The following UMODL1 variants were observed in gnomAD, a reference collection of about 807,000 sequenced individuals.
UMODL1 encodes the protein uromodulin like 1, also known as uromodulin-like 1.
In UMODL1, 128 loss-of-function variants were observed where a neutral mutation model predicts 136.3. The observed-to-expected ratio is 0.94, with a 90% CI of 0.81 to 1.09. The LOEUF is 1.09. Ranked by LOEUF, UMODL1 falls within the 50% of genes least tolerant of loss-of-function variation. The pLI, the probability that UMODL1 is intolerant of heterozygous loss-of-function variation, is 0.00. For missense variants in UMODL1, 1,766 were observed against 1,725.6 expected, an observed-to-expected ratio of 1.02 and a Z score of -0.41; for synonymous variants, 721 against 720.0, an observed-to-expected ratio of 1.00 and a Z score of -0.02.
chr21:42,120,711 TGGCCTGAGGGCCTTC>T lies in UMODL1; in HGVS notation c.2690-375_2690-361del, dbSNP rs2066958800. The T allele has an allele frequency of 2.2e-5, 4 of 179,300 alleles. No individual in the cohort carries two copies. The South Asian group carries it at 7.8e-4, about 35-fold the overall frequency. 11.1% of individuals were successfully genotyped at this position (179,300 alleles called of 1,614,324 possible). A position where few individuals can be genotyped will look rare whatever the true frequency, so the allele number is the denominator to read the frequency against. On this transcript the variant is annotated intron_variant, in intron 15 of 22. Transcript: ENST00000408910. The stretch of plus-strand genomic sequence containing the variant: ...ACCCAGCATCATGGCGAAAGGCAAA[TGGCCTGAGGGCCTTC>T]TGCCCAGGGTTGGGCTTGCAGCCTG...
chr21:42,134,966 G>A (rs10222089), intron 21 of UMODL1, among the ~76,000 whole-genome samples: 77,990 of 151,942 alleles, frequency 0.51, 20,302 homozygotes, highest in Non-Finnish European at 0.55. Flanking sequence ...TGTGCAGAAC[G>A]TGCAGGTTGT....
At chr21:42,079,665 G>C (rs541882898) in intron 2 of UMODL1, among the ~76,000 whole-genome samples, 1 of 152,216 alleles carries the variant, frequency 6.6e-6, no homozygotes, top group Non-Finnish European at 1.5e-5. Flanking sequence ...AGAGGCCAGG[G>C]CAGGAGACCC....
chr21:42,119,161 G>C lies in UMODL1; in HGVS notation c.2526G>C (p.Gly842=). 1 of 1,614,016 alleles carries C rather than the reference G, an allele frequency of 6.2e-7. No homozygotes were observed. Among genetic ancestry groups the C allele is most frequent in the African/African-American group, 1.3e-5 (1 of 75,056 alleles). The part of the protein sequence containing the change: ...ATMCQHMDAG[G]VRMEVVSVTN... Reference sequence around the variant, plus strand: ...TGTGTCAGCACATGGACGCTGGTGGGGTCAGGATGGAAGTCGTCAGCGTCA... The same window carrying C: ...TGTGTCAGCACATGGACGCTGGTGGCGTCAGGATGGAAGTCGTCAGCGTCA... Residue 842 remains glycine, a synonymous_variant, in exon 15 of 23, where the codon GGG becomes GGC. Transcript: ENST00000408910.
intron 9 of UMODL1, among the ~76,000 whole-genome samples, chr21:42,104,640 G>A (rs1336060838): frequency 5.9e-5 from 9 of 152,096 alleles, no homozygotes; most frequent in Admixed American, 2.0e-4. Context: ...AGTAGAGACA[G>A]GGTTTCACCG....
rs373686814 is a variant in UMODL1 at position 42,088,313 on chromosome 21, C to A, written c.623C>A (p.Pro208Gln). ...TCACAGGTCACCAGCGCCCTGCAACCAATGGCCTCCACCGTCCACCACCTG... is the reference window on the plus strand; with the variant it reads ...TCACAGGTCACCAGCGCCCTGCAACAAATGGCCTCCACCGTCCACCACCTG... Reference protein sequence around the residue: ...LHSLVTSALQPMASTVHHLHS... With the variant: ...LHSLVTSALQQMASTVHHLHS... Residue 208 changes from proline (P) to glutamine (Q), a missense_variant, in exon 5 of 23, where the codon CCA becomes CAA. Pro to Gln is a moderately conservative substitution (Grantham distance 76). Transcript: ENST00000408910. The A allele has an allele frequency of 6.8e-5, 110 of 1,613,126 alleles. No individual in the cohort carries two copies. The highest frequency in any genetic ancestry group is 9.2e-5 in the Non-Finnish European group (108 of 1,179,530).
rs1330177619 is a variant in UMODL1 at position 42,123,173 on chromosome 21, C to T, written c.3147+23C>T. The T allele has an allele frequency of 6.3e-7, 1 of 1,594,948 alleles. No homozygotes were observed. The highest frequency in any genetic ancestry group is 2.2e-5 in the East Asian group (1 of 44,672). On this transcript the variant is annotated intron_variant, in intron 17 of 22. Transcript: ENST00000408910. This position sits in a 1 kb window ranked among gnomAD's most constrained non-coding sequence, Gnocchi z 4.4. ...AGCGTAAGACCAGGAGAGCCAGGCTCAGGATGTACACTAGGGCGCAAGGGG... is the reference window on the plus strand; with the variant it reads ...AGCGTAAGACCAGGAGAGCCAGGCTTAGGATGTACACTAGGGCGCAAGGGG...
Position 42,085,466 on chromosome 21 carries a change from C to T in UMODL1, c.603+54C>T. On this transcript the variant is annotated intron_variant, in intron 4 of 22. Coordinates refer to ENST00000408910, the MANE Select transcript of UMODL1 (RefSeq NM_001004416.3). This position sits in a 1 kb window ranked among gnomAD's most constrained non-coding sequence, Gnocchi z 4.5. ...ACCCTCCTTGTGGCAGCTGCTCAGG[C>T]AGACCCAGGTATGGGGCCGTGGAAG... 1.2e-6 allele frequency: 2 copies of T among 1,611,682 alleles called. No homozygotes were observed. Among genetic ancestry groups the T allele is most frequent in the Non-Finnish European group, 8.5e-7 (1 of 1,179,362 alleles).
Position 42,076,204 on chromosome 21 carries a change from C to T in UMODL1, c.276C>T (p.Asp92=), listed in dbSNP as rs963689223. 1.2e-6 allele frequency: 2 copies of T among 1,614,146 alleles called. No individual in the cohort carries two copies. The highest frequency in any genetic ancestry group is 8.5e-7 in the Non-Finnish European group (1 of 1,180,050). Residue 92 remains aspartate (D), a synonymous_variant, in exon 2 of 23, where the codon GAC becomes GAT. Coordinates refer to ENST00000408910, the MANE Select transcript of UMODL1 (RefSeq NM_001004416.3). ...TCCCCGAGTCCAGGAACGTGACTGA[C>T]TGCTGTGAGGGCTATGAACAGCTCG... The part of the protein sequence containing the change: ...VEVPESRNVT[D]CCEGYEQLGL...
At chr21:42,090,585 C>A in intron 6 of UMODL1, 147 bp downstream of exon 6, 1 of 1,087,012 alleles carries the variant, frequency 9.2e-7, no homozygotes, top group Non-Finnish European at 1.3e-6. Flanking sequence ...ATTTTCGCAT[C>A]ACTGTGGTAT....
chr21:42,140,017 T>G (rs1448398259), intron 22 of UMODL1, among the ~76,000 whole-genome samples: 1 of 152,192 alleles, frequency 6.6e-6, no homozygotes. Context: ...GCTTTGCTGG[T>G]GACCTGGGAG....
At position 42,104,027 on chromosome 21, in the gene UMODL1, C is replaced by T; in HGVS notation, c.1459C>T (p.Leu487Phe). The T allele has an allele frequency of 6.2e-7, 1 of 1,613,984 alleles. No individual in the cohort carries two copies. The highest frequency in any genetic ancestry group is 8.5e-7 in the Non-Finnish European group (1 of 1,180,034). Reference sequence around the variant, plus strand: ...GGGCATCTCCACGCTGGCCCCCATACTCCAGCCCCTGTTGGCAAGCACAGT... The same window carrying T: ...GGGCATCTCCACGCTGGCCCCCATATTCCAGCCCCTGTTGGCAAGCACAGT... ...PMGISTLAPILQPLLASTVFQ... is the reference protein window; with the variant it reads ...PMGISTLAPIFQPLLASTVFQ... The change falls in exon 9 of 23, where the codon CTC becomes TTC. Residue 487 changes from leucine to phenylalanine, a missense_variant. Physicochemically the swap from Leu to Phe is conservative, Grantham distance 22. Transcript: ENST00000408910.
Position 42,123,100 on chromosome 21 carries a change from C to G in UMODL1, c.3097C>G (p.His1033Asp), listed in dbSNP as rs772053743. 1.2e-6 allele frequency: 2 copies of G among 1,613,976 alleles called. No homozygotes were observed. The highest frequency in any genetic ancestry group is 4.5e-5 in the East Asian group (2 of 44,898). The change falls in exon 17 of 23, where the codon CAC becomes GAC. Residue 1033 changes from histidine to aspartate, a missense_variant. By Grantham distance (81) the His-to-Asp change is moderately conservative. Transcript: ENST00000408910. This position sits in a 1 kb window ranked among gnomAD's most constrained non-coding sequence, Gnocchi z 4.4. ...SCNVSHSNGT[H>D]VLLEAGWSEC... Reference sequence around the variant, plus strand: ...CAACGTGAGCCACAGCAATGGCACACACGTGCTCCTGGAGGCCGGCTGGAG... The same window carrying G: ...CAACGTGAGCCACAGCAATGGCACAGACGTGCTCCTGGAGGCCGGCTGGAG...
intron 2 of UMODL1, among the ~76,000 whole-genome samples, chr21:42,080,489 A>G (rs1331961157): frequency 6.6e-6 from 1 of 152,236 alleles, no homozygotes; most frequent in Non-Finnish European, 1.5e-5. Flanking sequence ...CTCCCACTCA[A>G]TAATGACTTA....
intron 21 of UMODL1, among the ~76,000 whole-genome samples, chr21:42,134,257 TTA>T: frequency 6.6e-6 from 1 of 152,228 alleles, no homozygotes; most frequent in Admixed American, 6.5e-5. Context: ...TATTGACAAT[TTA>T]AGAAAGAATC....
Position 42,111,099 on chromosome 21 carries a change from C to T in UMODL1, c.1877C>T (p.Thr626Ile), listed in dbSNP as rs2066817086. The T allele has an allele frequency of 1.9e-6, 3 of 1,612,120 alleles. No homozygotes were observed. The highest frequency in any genetic ancestry group is 4.5e-5 in the East Asian group (2 of 44,824). Residue 626 changes from threonine (T) to isoleucine (I), a missense_variant, in exon 11 of 23, where the codon ACA becomes ATA. Transcript: ENST00000408910. ...GTGGTCGGGTATGACAGGAACAACA[C>T]AGGAAAAGGCGTGGAGCAGGAGGTG... The part of the protein sequence containing the change: ...SNVVGYDRNN[T>I]GKGVEQELQG...
At chr21:42,126,735 C>T (rs564873077) in intron 18 of UMODL1, among the ~76,000 whole-genome samples, 3 of 152,278 alleles carry the variant, frequency 2.0e-5, no homozygotes, top group African/African-American at 4.8e-5. Flanking sequence ...ACTGGCAGGC[C>T]GCCACCCAAG....
In UMODL1 at chr21:42,123,698, G is replaced by A. The variant is rs930929751; in HGVS notation, c.3147+548G>A. Among the ~76,000 whole-genome samples, 1 of 151,982 alleles carries A rather than the reference G, an allele frequency of 6.6e-6. No individual in the cohort carries two copies. The highest frequency in any genetic ancestry group is 1.5e-5 in the Non-Finnish European group (1 of 67,950). ...TGTGGGTGTGCATGCATGTATGAAT[G>A]TGTGAGTGTGTGAATGTGAGAATGT... On this transcript the variant is annotated intron_variant, in intron 17 of 22. Transcript: ENST00000408910. The surrounding 1 kb of genome is among the most constrained non-coding windows in gnomAD (Gnocchi z 4.4).
chr21:42,097,054 C>A (rs1213871676), intron 6 of UMODL1, among the ~76,000 whole-genome samples: 1 of 152,176 alleles, frequency 6.6e-6, no homozygotes, highest in Non-Finnish European at 1.5e-5. Flanking sequence ...AGGTCCCAAG[C>A]TTTGGGCCAC....
At chr21:42,084,319 TG>T in intron 3 of UMODL1, 74 bp downstream of exon 3, 1 of 1,499,928 alleles carries the variant, frequency 6.7e-7, no homozygotes, top group Non-Finnish European at 8.9e-7. Context: ...TGTGTGAAGG[TG>T]TGGGGGGGAG....
Sources: gnomAD v4.1 joint callset for allele counts (sites outside exome capture counted in the v4.1 genomes callset) on GRCh38, gnomAD v4.1.1 for gene constraint, Gnocchi (gnomAD v3.1) non-coding constraint, MANE v1.5 for transcripts, NCBI Gene and HGNC (gene_info 2026-07-23, HGNC 2026-07-21) for gene names.